The following PRKCB variants were observed in gnomAD, a reference collection of about 807,000 sequenced individuals.
PRKCB encodes the protein protein kinase C beta, also known as protein kinase C beta type.
In PRKCB, 13 loss-of-function variants were observed where a neutral mutation model predicts 81.5. The observed-to-expected ratio is 0.16, with a 90% CI of 0.10 to 0.25. The LOEUF (loss-of-function observed/expected upper bound fraction) is 0.25. Ranked by LOEUF, PRKCB falls within the 10% of genes least tolerant of loss-of-function variation. PRKCB has a pLI of 1.00. For synonymous variants in PRKCB, 335 were observed against 321.4 expected, an observed-to-expected ratio of 1.04 and a Z score of -0.45; for missense variants, 509 against 875.7, an observed-to-expected ratio of 0.58 and a Z score of 5.29.
At chr16:24,190,996 T>A in intron 15 of PRKCB, 94 bp from the exon 16 acceptor site, 3 of 1,418,036 alleles carry the variant, frequency 2.1e-6, no homozygotes, top group Non-Finnish European at 2.9e-6. Flanking sequence ...TCATTTGCGC[T>A]TTCTTTCCTA....
At chr16:23,939,240 C>G (rs1567320296) in intron 2 of PRKCB, among the ~76,000 whole-genome samples, 1 of 152,106 alleles carries the variant, frequency 6.6e-6, no homozygotes, top group Non-Finnish European at 1.5e-5. Flanking sequence ...TAAAGAATAT[C>G]TACATAAATG....
chr16:23,867,049 C>CTTCCTTCT (rs1567295178), intron 2 of PRKCB, among the ~76,000 whole-genome samples: 9 of 71,782 alleles, frequency 1.3e-4, no homozygotes, highest in Non-Finnish European at 2.3e-4. Flanking sequence ...TCCTTCCTTC[C>CTTCCTTCT]TTCTCTCTCT....
At chr16:24,093,369 C>G (rs1051564378) in intron 6 of PRKCB, among the ~76,000 whole-genome samples, 2 of 152,194 alleles carry the variant, frequency 1.3e-5, no homozygotes, top group African/African-American at 4.8e-5. Flanking sequence ...CTCCACCAGC[C>G]TCCCTTGAGG....
At chr16:24,206,091 C>G (rs1312046935) in intron 16 of PRKCB, among the ~76,000 whole-genome samples, 2 of 152,182 alleles carry the variant, frequency 1.3e-5, no homozygotes, top group African/African-American at 2.4e-5. Context: ...CTACTGACTT[C>G]CTCCCTAAAT....
At chr16:24,158,541 AGTATATGTATATGTATATGTATAT>A (rs869132220) in intron 10 of PRKCB, among the ~76,000 whole-genome samples, 1 of 105,668 alleles carries the variant, frequency 9.5e-6, no homozygotes, top group African/African-American at 3.8e-5. Context: ...TATATGTATA[AGTATATGTATATGTATATGTATAT>A]GTATATGTAT....
At chr16:24,124,010 C>T (rs1966832604) in intron 9 of PRKCB, 29 bp downstream of exon 9, 1 of 1,612,708 alleles carries the variant, frequency 6.2e-7, no homozygotes, top group Non-Finnish European at 8.5e-7. Flanking sequence ...GCTCCACCTG[C>T]TTTGGAAGGA....
At chr16:23,952,262 C>T (rs1419872758) in intron 2 of PRKCB, among the ~76,000 whole-genome samples, 3 of 152,208 alleles carry the variant, frequency 2.0e-5, no homozygotes, top group Non-Finnish European at 4.4e-5. Flanking sequence ...AGAAGCCCCC[C>T]TCATTCCAAG....
rs1017694523 is a variant in PRKCB, at chr16:24,218,533, G to C, written c.*3717G>C. On this transcript the variant is annotated 3_prime_UTR_variant, in exon 17 of 17. Transcript: ENST00000643927. ...CACCTCACTCCCACACCCTCACATA[G>C]ACTTGGCAAGAGTAAGGAGGGAACT... The C allele has an allele frequency of 3.9e-5, 38 of 985,250 alleles. No homozygotes were observed. Among genetic ancestry groups the C allele is most frequent in the Non-Finnish European group, 4.8e-6 (4 of 829,940 alleles). The allele number at this position is 985,250 out of a possible 1,614,324, so 61.0% of individuals were successfully genotyped here.
intron 7 of PRKCB, among the ~76,000 whole-genome samples, chr16:24,104,051 C>A (rs555084692): frequency 2.2e-4 from 33 of 152,190 alleles, no homozygotes; most frequent in Non-Finnish European, 2.1e-4. Flanking sequence ...GTGATCCGCC[C>A]GCCTCGGCCT....
chr16:24,021,026 T>TTC (rs1188226989), intron 3 of PRKCB, among the ~76,000 whole-genome samples: 1 of 139,968 alleles, frequency 7.1e-6, no homozygotes, highest in African/African-American at 2.7e-5. Flanking sequence ...CTTTCTTTCT[T>TTC]TCTTTCTTTC....
At chr16:23,842,154 A>G (rs1481465266) in intron 2 of PRKCB, among the ~76,000 whole-genome samples, 1 of 152,164 alleles carries the variant, frequency 6.6e-6, no homozygotes, top group Non-Finnish European at 1.5e-5. Context: ...CAGAATTCTT[A>G]GCAATGAGTT....
chr16:24,193,104 A>G (rs1171113030), intron 16 of PRKCB, among the ~76,000 whole-genome samples: 1 of 151,774 alleles, frequency 6.6e-6, no homozygotes, highest in African/African-American at 2.4e-5. Flanking sequence ...GGACTACAGG[A>G]GTGTACCACC....
At chr16:24,110,723 T>G (rs1333859515) in intron 7 of PRKCB, among the ~76,000 whole-genome samples, 1 of 152,108 alleles carries the variant, frequency 6.6e-6, no homozygotes, top group Non-Finnish European at 1.5e-5. Context: ...TCTCGCTATG[T>G]TGCCCAGGCT....
intron 5 of PRKCB, among the ~76,000 whole-genome samples, chr16:24,054,577 T>C (rs555683177): frequency 6.6e-6 from 1 of 152,332 alleles, no homozygotes; most frequent in South Asian, 2.1e-4. Context: ...TGGGGAAACC[T>C]GTGGCTTTTG....
At chr16:24,080,198 G>T (rs542798748) in intron 5 of PRKCB, among the ~76,000 whole-genome samples, 42 of 152,242 alleles carry the variant, frequency 2.8e-4, no homozygotes, top group Non-Finnish European at 5.0e-4. Flanking sequence ...AAAGTGAGTG[G>T]CCAGGGAGCA....
chr16:24,118,609 G>T (rs1966762445), intron 8 of PRKCB, among the ~76,000 whole-genome samples: 1 of 152,172 alleles, frequency 6.6e-6, no homozygotes, highest in Admixed American at 6.5e-5. Context: ...GGCTGCCAGG[G>T]CTTCTCCACT....
At chr16:24,061,267 G>A (rs1394094357) in intron 5 of PRKCB, among the ~76,000 whole-genome samples, 1 of 152,094 alleles carries the variant, frequency 6.6e-6, no homozygotes, top group Non-Finnish European at 1.5e-5. Context: ...TGCCATGTTG[G>A]CCAGGCTGAT....
intron 3 of PRKCB, among the ~76,000 whole-genome samples, chr16:24,030,206 A>T (rs934383369): frequency 5.3e-5 from 8 of 152,228 alleles, no homozygotes; most frequent in Non-Finnish European, 1.2e-4. Context: ...TCTGCAATGT[A>T]TAACAGAGAA....
intron 5 of PRKCB, among the ~76,000 whole-genome samples, chr16:24,080,692 C>G (rs1966238334): frequency 6.6e-6 from 1 of 151,998 alleles, no homozygotes; most frequent in Non-Finnish European, 1.5e-5. Context: ...AGTAGAGCCC[C>G]TGGAAAAATA....
Sources: allele counts gnomAD v4.1 joint callset (sites outside exome capture counted in the v4.1 genomes callset), GRCh38; gene constraint gnomAD v4.1.1; transcripts MANE v1.5; gene names NCBI Gene and HGNC (gene_info 2026-07-23, HGNC 2026-07-21).